The following CA10 variants were observed in gnomAD, a reference collection of about 807,000 sequenced individuals.
CA10 encodes the protein carbonic anhydrase-related protein 10.
CA10 carries 14 observed loss-of-function variants against 44.2 expected under a neutral mutation model. The ratio of observed to expected loss-of-function variants is 0.32; its 90% confidence interval spans 0.21 to 0.50. The LOEUF (loss-of-function observed/expected upper bound fraction) is 0.50. Among genes scored for constraint, CA10 ranks in the 20% least tolerant of loss-of-function variants. CA10 has a pLI of 0.99. For missense variants in CA10, 350 were observed against 409.7 expected, an observed-to-expected ratio of 0.85 and a Z score of 1.26; for synonymous variants, 159 against 141.6, an observed-to-expected ratio of 1.12 and a Z score of -0.87.
At chr17:52,028,117 G>T (rs1208969974) in intron 2 of CA10, among the ~76,000 whole-genome samples, 1 of 152,134 alleles carries the variant, frequency 6.6e-6, no homozygotes, top group Non-Finnish European at 1.5e-5. Flanking sequence ...GATAATAAAG[G>T]TGAGAACCAA....
chr17:51,637,556 C>G (rs1011562903), intron 6 of CA10, among the ~76,000 whole-genome samples: 1 of 152,234 alleles, frequency 6.6e-6, no homozygotes, highest in Non-Finnish European at 1.5e-5. Flanking sequence ...ATGTGTCTAA[C>G]TCCCAGTGGG....
At chr17:51,785,287 T>A (rs146323072) in intron 3 of CA10, among the ~76,000 whole-genome samples, 2 of 152,294 alleles carry the variant, frequency 1.3e-5, no homozygotes, top group African/African-American at 4.8e-5. Flanking sequence ...ATTAATCCCT[T>A]GTCAGAATAT....
intron 3 of CA10, among the ~76,000 whole-genome samples, chr17:51,830,713 A>G (rs1908207731): frequency 6.6e-6 from 1 of 152,164 alleles, no homozygotes; most frequent in Non-Finnish European, 1.5e-5. Flanking sequence ...CAGAGGGGAG[A>G]GAGAGACACG....
chr17:52,056,715 C>T (rs1173357536), intron 2 of CA10, among the ~76,000 whole-genome samples: 1 of 151,918 alleles, frequency 6.6e-6, no homozygotes, highest in Non-Finnish European at 1.5e-5. Context: ...TTAAAGCATC[C>T]TGCTGTGTAT....
chr17:51,811,625 G>T (rs1034221127), intron 3 of CA10, among the ~76,000 whole-genome samples: 1 of 152,074 alleles, frequency 6.6e-6, no homozygotes, highest in Non-Finnish European at 1.5e-5. Context: ...TCATCCTTTT[G>T]TATGGCTGCA....
rs183380748 is a variant in CA10 at position 51,690,163 on chromosome 17, A to T, written c.466-36427T>A. ...GGGTTTTACCATGTTGGCCAGGCTG[A>T]TCTTGAACTCCTGACCTCAGGTGAT... is the stretch of plus-strand genomic sequence containing the variant. On this transcript the variant is annotated intron_variant, in intron 4 of 8. Transcript: ENST00000451037. 6.8e-3 allele frequency among the ~76,000 whole-genome samples: 1,040 copies of T among 152,102 alleles called. 16 individuals carry two copies. Among genetic ancestry groups the T allele is most frequent in the African/African-American group, 0.024 (1,003 of 41,508 alleles).
At chr17:51,639,223 G>C (rs777124570) in intron 6 of CA10, among the ~76,000 whole-genome samples, 3 of 152,134 alleles carry the variant, frequency 2.0e-5, no homozygotes, top group Non-Finnish European at 2.9e-5. Flanking sequence ...AGGTCAATGT[G>C]ATTTGTTTAA....
chr17:52,070,988 A>C (rs1229595760), intron 2 of CA10, among the ~76,000 whole-genome samples: 1 of 152,238 alleles, frequency 6.6e-6, no homozygotes, highest in African/African-American at 2.4e-5. Flanking sequence ...TTATAAATGT[A>C]ACTTCTGAGA....
intron 4 of CA10, among the ~76,000 whole-genome samples, chr17:51,717,529 G>GTATATATATATATATATA (rs3031848): frequency 4.0e-5 from 2 of 50,166 alleles, no homozygotes; most frequent in African/African-American, 1.2e-4. Flanking sequence ...AAAGAAACTG[G>GTATATATATATATATATA]TATATATATA....
intron 1 of CA10, among the ~76,000 whole-genome samples, chr17:52,133,828 C>T (rs1008531005): frequency 9.9e-5 from 15 of 152,240 alleles, no homozygotes; most frequent in African/African-American, 3.4e-4. Flanking sequence ...AGTAAAGTTC[C>T]TGGCACATAT....
At chr17:51,854,955 G>C (rs1310768072) in intron 3 of CA10, among the ~76,000 whole-genome samples, 57 of 152,170 alleles carry the variant, frequency 3.7e-4, no homozygotes, top group Non-Finnish European at 2.9e-5. Flanking sequence ...CAGGGAGATT[G>C]AGTAACTGGC....
chr17:52,057,856 C>G (rs1053344824), intron 2 of CA10, among the ~76,000 whole-genome samples: 2 of 152,092 alleles, frequency 1.3e-5, no homozygotes, highest in Non-Finnish European at 2.9e-5. Context: ...GCATGGAACA[C>G]TCCCTATGTT....
chr17:51,981,318 C>T (rs1567908034), intron 2 of CA10, among the ~76,000 whole-genome samples: 2 of 151,946 alleles, frequency 1.3e-5, no homozygotes, highest in African/African-American at 4.8e-5. Flanking sequence ...GTGATAGAAT[C>T]GTACAGTGAA....
At chr17:51,853,941 T>C (rs1411380105) in intron 3 of CA10, among the ~76,000 whole-genome samples, 1 of 152,140 alleles carries the variant, frequency 6.6e-6, no homozygotes, top group Non-Finnish European at 1.5e-5. Flanking sequence ...CCTTTATAAA[T>C]TACCCAGTCT....
chr17:51,744,315 A>C (rs562687074), intron 4 of CA10, among the ~76,000 whole-genome samples: 9 of 117,508 alleles, frequency 7.7e-5, no homozygotes, highest in Non-Finnish European at 1.8e-5. Flanking sequence ...ACTCCATCTC[A>C]AAAAAAAAAA....
chr17:51,857,982 G>T (rs1979128274), intron 3 of CA10, among the ~76,000 whole-genome samples: 1 of 152,088 alleles, frequency 6.6e-6, no homozygotes, highest in South Asian at 2.1e-4. Context: ...CTGAAATTCA[G>T]GGGAAAAGGG....
chr17:52,010,104 A>G (rs941585823), intron 2 of CA10, among the ~76,000 whole-genome samples: 4 of 151,930 alleles, frequency 2.6e-5, no homozygotes, highest in Non-Finnish European at 5.9e-5. Flanking sequence ...AAAATAATAG[A>G]TGTTGGCATG....
chr17:51,777,172 T>C (rs1451022772), intron 3 of CA10, among the ~76,000 whole-genome samples: 1 of 152,188 alleles, frequency 6.6e-6, no homozygotes, highest in African/African-American at 2.4e-5. Context: ...TTTACTGCGA[T>C]AGGAAGGATG....
intron 4 of CA10, among the ~76,000 whole-genome samples, chr17:51,691,453 T>C (rs1915189114): frequency 1.3e-5 from 2 of 152,212 alleles, no homozygotes; most frequent in East Asian, 1.9e-4. Flanking sequence ...TGAGCTCCTA[T>C]ACATTTTGGA....
Sources: gnomAD v4.1 joint callset for allele counts (sites outside exome capture counted in the v4.1 genomes callset) on GRCh38, gnomAD v4.1.1 for gene constraint, MANE v1.5 for transcripts, NCBI Gene and HGNC (gene_info 2026-07-23, HGNC 2026-07-21) for gene names.